Variants in MEI4 observed in about 807,000 individuals in gnomAD.
MEI4 encodes meiotic double-stranded break formation protein 4.
Under a neutral mutation model 31.4 loss-of-function variants are expected in MEI4, and 27 were observed. The ratio of observed to expected loss-of-function variants is 0.86; its 90% confidence interval spans 0.63 to 1.19. MEI4 has a LOEUF of 1.19. MEI4 is among the 50% of genes most tolerant of loss of function. The probability of loss-of-function intolerance (pLI) is 0.00; values close to 1 mark genes in which losing one functional copy is unlikely to be tolerated. For missense variants in MEI4, 329 were observed against 398.9 expected (o/e 0.82, Z 1.49); for synonymous variants, 122 against 145.4 (o/e 0.84, Z 1.16).
chr6:77,892,395 C>G (rs1421586557), intron 4 of MEI4, among the ~76,000 whole-genome samples: 1 of 152,144 alleles, frequency 6.6e-6, no homozygotes, highest in Non-Finnish European at 1.5e-5. Context: ...CTATCCCCCA[C>G]TGGTACACAT....
At chr6:77,662,335 G>C (rs1768528469) in intron 1 of MEI4, among the ~76,000 whole-genome samples, 1 of 152,120 alleles carries the variant, frequency 6.6e-6, no homozygotes, top group Non-Finnish European at 1.5e-5. Flanking sequence ...GAGAAACAGG[G>C]AAGAAGGAAA....
chr6:77,657,280 C>T (rs989203355), intron 1 of MEI4, among the ~76,000 whole-genome samples: 2 of 152,158 alleles, frequency 1.3e-5, no homozygotes, highest in Non-Finnish European at 2.9e-5. Context: ...GAGAATAGTT[C>T]AAGTGGGCTG....
At chr6:77,666,023 C>A (rs1295952810) in intron 1 of MEI4, among the ~76,000 whole-genome samples, 3 of 152,152 alleles carry the variant, frequency 2.0e-5, no homozygotes, top group African/African-American at 7.2e-5. Flanking sequence ...TGTAAAGAGA[C>A]CACCAAACAG....
intron 2 of MEI4, among the ~76,000 whole-genome samples, chr6:77,754,076 A>G (rs1185175014): frequency 6.6e-6 from 1 of 151,928 alleles, no homozygotes; most frequent in Non-Finnish European, 1.5e-5. Flanking sequence ...CAGGGAGGGG[A>G]ACATCACACA....
intron 2 of MEI4, among the ~76,000 whole-genome samples, chr6:77,742,566 T>C (rs891878142): frequency 1.3e-5 from 2 of 152,218 alleles, no homozygotes; most frequent in African/African-American, 4.8e-5. Flanking sequence ...TCCCATTTTG[T>C]AGGTTGCCTA....
At chr6:77,896,967 A>AT (rs1304126680) in intron 4 of MEI4, among the ~76,000 whole-genome samples, 2 of 152,068 alleles carry the variant, frequency 1.3e-5, no homozygotes, top group Non-Finnish European at 2.9e-5. Flanking sequence ...CAGACAGTAG[A>AT]TAACACTTAC....
intron 3 of MEI4, among the ~76,000 whole-genome samples, chr6:77,802,642 A>G (rs1769300129): frequency 6.6e-6 from 1 of 152,066 alleles, no homozygotes; most frequent in Non-Finnish European, 1.5e-5. Context: ...TGTTTCCTTC[A>G]GGAGCTCTTT....
At chr6:77,720,871 A>G (rs1200032417) in intron 2 of MEI4, among the ~76,000 whole-genome samples, 2 of 42,870 alleles carry the variant, frequency 4.7e-5, no homozygotes, top group Non-Finnish European at 9.1e-5. Context: ...TAAATTGAAT[A>G]GCTGGTTTAA....
chr6:77,784,997 C>T (rs141240292), intron 3 of MEI4, among the ~76,000 whole-genome samples: 28 of 152,194 alleles, frequency 1.8e-4, no homozygotes, highest in African/African-American at 5.3e-4. Context: ...TGCCGGTATG[C>T]CCTACTCCCA....
chr6:77,696,338 G>T (rs1452542296), intron 2 of MEI4, among the ~76,000 whole-genome samples: 1 of 152,132 alleles, frequency 6.6e-6, no homozygotes, highest in East Asian at 1.9e-4. Context: ...TCCCTGTCTT[G>T]TGCCAGTTTT....
intron 1 of MEI4, among the ~76,000 whole-genome samples, chr6:77,659,854 G>A (rs1328667197): frequency 6.6e-6 from 1 of 152,190 alleles, no homozygotes; most frequent in Non-Finnish European, 1.5e-5. Flanking sequence ...GGGAATTCCA[G>A]TGGGTCTCTG....
intron 4 of MEI4, among the ~76,000 whole-genome samples, chr6:77,843,534 TA>T (rs35866687): frequency 0.29 from 42,246 of 144,196 alleles, 6,536 homozygotes; most frequent in South Asian, 0.38. Flanking sequence ...GCAGACAAAT[TA>T]AAAAAAAAAA....
chr6:77,675,744 A>G lies in MEI4; in HGVS notation c.-14-14914A>G, dbSNP rs115018149. On this transcript the variant is annotated intron_variant, in intron 1 of 4. Coordinates refer to ENST00000684080, the MANE Select transcript of MEI4 (RefSeq NM_001322247.2). Reference sequence around the variant, plus strand: ...TAGATATAACATCAATTTTCACAGAATTCTGTAGATTTACTCATGTGCACA... The same window carrying G: ...TAGATATAACATCAATTTTCACAGAGTTCTGTAGATTTACTCATGTGCACA... Among the ~76,000 whole-genome samples, 1,073 of 152,238 alleles carry G rather than the reference A, an allele frequency of 7.0e-3. 14 individuals carry two copies. Among genetic ancestry groups the G allele is most frequent in the African/African-American group, 0.024 (1,012 of 41,524 alleles).
chr6:77,896,608 A>G (rs1029215477), intron 4 of MEI4, among the ~76,000 whole-genome samples: 1 of 152,078 alleles, frequency 6.6e-6, no homozygotes, highest in Admixed American at 6.6e-5. Flanking sequence ...TTCATGTCTC[A>G]TAAGACTCTG....
chr6:77,747,087 A>G (rs1359841956), intron 2 of MEI4, among the ~76,000 whole-genome samples: 1 of 152,116 alleles, frequency 6.6e-6, no homozygotes, highest in Non-Finnish European at 1.5e-5. Flanking sequence ...TGAGGCGGGC[A>G]GATCACCTGA....
At chr6:77,689,713 G>A (rs1365381295) in intron 1 of MEI4, among the ~76,000 whole-genome samples, 1 of 152,026 alleles carries the variant, frequency 6.6e-6, no homozygotes, top group Admixed American at 6.6e-5. Flanking sequence ...GATAGGCTGG[G>A]GAAATGGAAG....
At chr6:77,657,945 G>A (rs1345401293) in intron 1 of MEI4, among the ~76,000 whole-genome samples, 1 of 152,196 alleles carries the variant, frequency 6.6e-6, no homozygotes, top group Non-Finnish European at 1.5e-5. Flanking sequence ...CTTCATAAAT[G>A]TATAGTCAGG....
In MEI4 at chr6:77,882,453, C is replaced by T. The variant is rs575891164; in HGVS notation, c.901-40636C>T. Reference sequence around the variant, plus strand: ...AATGCAAGCATATTGAGTTTCTTTCCCACTCTGAAAGGCCCAGAAAGTTTA... The same window carrying T: ...AATGCAAGCATATTGAGTTTCTTTCTCACTCTGAAAGGCCCAGAAAGTTTA... On this transcript the variant is annotated intron_variant, in intron 4 of 4. Coordinates refer to ENST00000684080, the MANE Select transcript of MEI4 (RefSeq NM_001322247.2). 2.6e-5 allele frequency among the ~76,000 whole-genome samples: 4 copies of T among 152,218 alleles called. No homozygotes were observed. The South Asian group carries it at 8.3e-4, about 32-fold the overall frequency.
chr6:77,674,099 C>T (rs959773916), intron 1 of MEI4, among the ~76,000 whole-genome samples: 3 of 152,110 alleles, frequency 2.0e-5, no homozygotes, highest in African/African-American at 7.2e-5. Flanking sequence ...TAGAGCAATG[C>T]TTTAAAAAGA....
Sources: allele counts gnomAD v4.1 joint callset (sites outside exome capture counted in the v4.1 genomes callset), GRCh38; gene constraint gnomAD v4.1.1; transcripts MANE v1.5; gene names NCBI Gene and HGNC (gene_info 2026-07-23, HGNC 2026-07-21).